Variants in STPG4 observed in about 807,000 individuals in gnomAD.
The protein encoded by STPG4 is protein STPG4.
STPG4 carries 41 observed loss-of-function variants against 31.5 expected under a neutral mutation model. The ratio of observed to expected loss-of-function variants is 1.30; its 90% confidence interval spans 1.01 to 1.69. The LOEUF is 1.69. Ranked by LOEUF, STPG4 falls within the 40% of genes most tolerant of loss-of-function variation. STPG4 has a pLI of 0.00. For missense variants in STPG4, 375 were observed against 293.4 expected, an observed-to-expected ratio of 1.28 and a Z score of -2.03; for synonymous variants, 141 against 103.0, an observed-to-expected ratio of 1.37 and a Z score of -2.24.
intron 3 of STPG4, among the ~76,000 whole-genome samples, chr2:47,146,357 A>G (rs1686819924): frequency 6.6e-6 from 1 of 152,120 alleles, no homozygotes; most frequent in Admixed American, 6.5e-5. Context: ...ACCCAACCAC[A>G]ACAAAGATTT....
At chr2:47,123,993 A>AT in intron 5 of STPG4, among the ~76,000 whole-genome samples, 1 of 151,660 alleles carries the variant, frequency 6.6e-6, no homozygotes, top group African/African-American at 2.4e-5. Context: ...TTATTTATTT[A>AT]TTTTTTTGAG....
intron 5 of STPG4, among the ~76,000 whole-genome samples, chr2:47,093,572 C>A (rs1312546483): frequency 6.6e-6 from 1 of 152,156 alleles, no homozygotes; most frequent in Non-Finnish European, 1.5e-5. Context: ...TAAGGAGCGA[C>A]CTGCCCCTTT....
chr2:47,111,575 A>G (rs1345880532), intron 5 of STPG4, among the ~76,000 whole-genome samples: 3 of 152,182 alleles, frequency 2.0e-5, no homozygotes, highest in Non-Finnish European at 4.4e-5. Context: ...TGAAGCACAC[A>G]TTTTGGTCTT....
intron 5 of STPG4, among the ~76,000 whole-genome samples, chr2:47,124,839 C>A (rs555009740): frequency 1.2e-4 from 19 of 152,268 alleles, no homozygotes; most frequent in African/African-American, 4.6e-4. Flanking sequence ...TCTTGAGGAA[C>A]CTTTGTACTG....
intron 5 of STPG4, among the ~76,000 whole-genome samples, chr2:47,112,110 T>C (rs762435413): frequency 3.3e-5 from 5 of 152,242 alleles, no homozygotes; most frequent in Non-Finnish European, 5.9e-5. Context: ...CTGATATGCC[T>C]TCATATGGTC....
At chr2:47,114,347 A>G (rs1411889273) in intron 5 of STPG4, among the ~76,000 whole-genome samples, 1 of 151,926 alleles carries the variant, frequency 6.6e-6, no homozygotes, top group African/African-American at 2.4e-5. Flanking sequence ...TCTACTGAAA[A>G]TACAAAAAAA....
At chr2:47,108,993 T>C (rs1685981720) in intron 5 of STPG4, among the ~76,000 whole-genome samples, 1 of 152,240 alleles carries the variant, frequency 6.6e-6, no homozygotes, top group Non-Finnish European at 1.5e-5. Context: ...GCCAAGGTTA[T>C]AGGCACCAGT....
At chr2:47,154,832 C>CCGG (rs1686997484) in intron 1 of STPG4, among the ~76,000 whole-genome samples, 1 of 152,160 alleles carries the variant, frequency 6.6e-6, no homozygotes, top group Non-Finnish European at 1.5e-5. Context: ...ACCCAGTCTT[C>CCGG]CGGCAGATGG....
intron 5 of STPG4, among the ~76,000 whole-genome samples, chr2:47,093,866 G>A (rs1685621154): frequency 6.6e-6 from 1 of 152,238 alleles, no homozygotes; most frequent in South Asian, 2.1e-4. Context: ...CGGCAAAGCC[G>A]TGACTATTCT....
Position 47,087,026 on chromosome 2 carries a change from G to T in STPG4, c.729C>A (p.Asn243Lys). Residue 243 changes from asparagine to lysine, a missense_variant, in exon 7 of 7, where the codon AAC (asparagine) becomes AAA (lysine). Transcript: ENST00000445927. ...GQEHSLFFNN[N>K]NWLLK ...GATCACTTTATTTTAAAAGCCAATT[G>T]TTGTTGTTGAAGAAAAGGCTATGCT... is the stretch of plus-strand genomic sequence containing the variant. 2.6e-6 allele frequency: 4 copies of T among 1,551,546 alleles called. No individual in the cohort carries two copies. The highest frequency in any genetic ancestry group is 3.5e-6 in the Non-Finnish European group (4 of 1,146,956).
In STPG4 at chr2:47,129,977, T is replaced by C; in HGVS notation, c.483A>G (p.Ser161=). 2.5e-6 allele frequency: 4 copies of C among 1,584,994 alleles called. No individual in the cohort carries two copies. Among genetic ancestry groups the C allele is most frequent in the Non-Finnish European group, 3.5e-6 (4 of 1,154,236 alleles). ...AGGTTGTTGGGAATCTTTGAACTGT[T>C]GAGCGAAATACACAGCTCCTATATT... The part of the protein sequence containing the change: ...KYASRSCVFR[S]TVQRFPTTYF... The change falls in exon 5 of 7, where the codon TCA becomes TCG. Residue 161 remains serine (S), a synonymous_variant. Transcript: ENST00000445927.
chr2:47,093,454 G>C (rs140829074), intron 5 of STPG4, among the ~76,000 whole-genome samples: 1 of 152,192 alleles, frequency 6.6e-6, no homozygotes, highest in Non-Finnish European at 1.5e-5. Flanking sequence ...CTCTCAGTTT[G>C]GCCATAAAGA....
intron 3 of STPG4, among the ~76,000 whole-genome samples, chr2:47,150,277 T>G (rs1006173180): frequency 6.6e-5 from 10 of 152,232 alleles, no homozygotes; most frequent in African/African-American, 2.2e-4. Flanking sequence ...CCTTTGGCAC[T>G]TGAACTCTCC....
In STPG4 at chr2:47,106,061, GAGAA is replaced by G. The variant is rs965948612; in HGVS notation, c.520-15691_520-15688del. 1.1e-3 allele frequency among the ~76,000 whole-genome samples: 170 copies of G among 151,492 alleles called. 5 individuals carry two copies. The highest frequency in any genetic ancestry group is 4.0e-3 in the African/African-American group (164 of 41,036). On this transcript the variant is annotated intron_variant, in intron 5 of 6. Transcript: ENST00000445927. ...CAAGAAGGAAAGAGAGAAAAAGAAA[GAGAA>G]AGAAAGAGAGGAAGAACCAAAGAGG...
intron 5 of STPG4, among the ~76,000 whole-genome samples, chr2:47,117,267 T>C (rs1686171410): frequency 1.3e-5 from 2 of 152,178 alleles, no homozygotes; most frequent in South Asian, 4.1e-4. Flanking sequence ...CAGAGTGCAA[T>C]GGCACTATCT....
At chr2:47,092,608 G>T (rs1276139920) in intron 5 of STPG4, among the ~76,000 whole-genome samples, 1 of 131,396 alleles carries the variant, frequency 7.6e-6, no homozygotes, top group Non-Finnish European at 1.7e-5. Flanking sequence ...AGAAGGGGAG[G>T]GGAGAGGAGG....
At chr2:47,121,529 G>A (rs1214459849) in intron 5 of STPG4, among the ~76,000 whole-genome samples, 1 of 152,106 alleles carries the variant, frequency 6.6e-6, no homozygotes. Flanking sequence ...GAAAAGCCAG[G>A]TCCTTATCCC....
chr2:47,143,380 C>T (rs189103301), intron 3 of STPG4, among the ~76,000 whole-genome samples: 1 of 152,214 alleles, frequency 6.6e-6, no homozygotes, highest in African/African-American at 2.4e-5. Flanking sequence ...GAAAATTGTG[C>T]CTCACTATTA....
intron 5 of STPG4, among the ~76,000 whole-genome samples, chr2:47,096,275 G>C (rs556914030): frequency 1.3e-5 from 2 of 152,180 alleles, no homozygotes; most frequent in Non-Finnish European, 2.9e-5. Context: ...GAGCACCTCA[G>C]AGAGTAAACC....
Sources: allele counts gnomAD v4.1 joint callset (sites outside exome capture counted in the v4.1 genomes callset), GRCh38; gene constraint gnomAD v4.1.1; transcripts MANE v1.5; gene names NCBI Gene and HGNC (gene_info 2026-07-23, HGNC 2026-07-21).